The following EXOC4 variants were observed in gnomAD, a reference collection of about 807,000 sequenced individuals.
EXOC4 encodes SEC8-like 1.
A neutral mutation model predicts 107.2 loss-of-function variants in EXOC4; 71 were observed. That is an observed-to-expected ratio of 0.66 (90% confidence interval 0.55 to 0.81). The LOEUF (loss-of-function observed/expected upper bound fraction) is 0.81. EXOC4 is among the 30% of genes least tolerant of loss of function. EXOC4 has a pLI of 0.00. For synonymous variants in EXOC4, 456 were observed against 441.2 expected (o/e 1.03, Z -0.42); for missense variants, 1,108 against 1,189.6 (o/e 0.93, Z 1.01).
intron 14 of EXOC4, among the ~76,000 whole-genome samples, chr7:133,983,832 A>G (rs1262124095): frequency 1.3e-5 from 2 of 152,210 alleles, no homozygotes; most frequent in Non-Finnish European, 2.9e-5. Flanking sequence ...ATACAGCACC[A>G]CAATACTGCT....
intron 17 of EXOC4, among the ~76,000 whole-genome samples, chr7:134,011,131 G>A (rs1483909827): frequency 1.3e-5 from 2 of 152,134 alleles, no homozygotes; most frequent in East Asian, 3.9e-4. Flanking sequence ...TTAGAAGGTG[G>A]AAGGGCTTTA....
chr7:133,551,359 T>C (rs1186399146), intron 9 of EXOC4, among the ~76,000 whole-genome samples: 1 of 152,120 alleles, frequency 6.6e-6, no homozygotes, highest in African/African-American at 2.4e-5. Flanking sequence ...GATTTTGTCA[T>C]TTGATTTTTT....
At chr7:133,990,512 C>A (rs1794226897) in intron 14 of EXOC4, among the ~76,000 whole-genome samples, 1 of 152,090 alleles carries the variant, frequency 6.6e-6, no homozygotes, top group African/African-American at 2.4e-5. Context: ...TGCAGTGGCG[C>A]AATCTCGGCT....
chr7:134,006,427 G>T (rs1321228141), intron 16 of EXOC4, among the ~76,000 whole-genome samples: 2 of 152,076 alleles, frequency 1.3e-5, no homozygotes, highest in African/African-American at 4.8e-5. Flanking sequence ...CTGCAGTTGT[G>T]TTTTTCTTTG....
chr7:133,966,975 G>A (rs1801085817), intron 14 of EXOC4, among the ~76,000 whole-genome samples: 1 of 152,066 alleles, frequency 6.6e-6, no homozygotes, highest in South Asian at 2.1e-4. Flanking sequence ...TTTGGTGGTA[G>A]GCTATTAATT....
chr7:134,066,476 A>G (rs930635359), downstream of EXOC4: 23 of 152,216 alleles, frequency 1.5e-4, no homozygotes, highest in African/African-American at 5.3e-4. Context: ...TGCTTTGCTT[A>G]CAATGACGGG....
intron 9 of EXOC4, among the ~76,000 whole-genome samples, chr7:133,539,958 A>T (rs1166452892): frequency 6.6e-6 from 1 of 152,056 alleles, no homozygotes. Flanking sequence ...AGTTCACTGG[A>T]GGAAATCTCA....
At chr7:133,531,428 G>A (rs1211182552) in intron 9 of EXOC4, among the ~76,000 whole-genome samples, 6 of 152,114 alleles carry the variant, frequency 3.9e-5, no homozygotes, top group Non-Finnish European at 7.4e-5. Flanking sequence ...GTTGGCTTCT[G>A]ACTACAGATC....
intron 10 of EXOC4, among the ~76,000 whole-genome samples, chr7:133,672,284 G>A (rs991232661): frequency 1.3e-5 from 2 of 151,608 alleles, no homozygotes; most frequent in African/African-American, 2.4e-5. Flanking sequence ...CCAGCTACTC[G>A]GGAGGCTGAG....
chr7:133,970,959 C>G (rs1309437706), intron 14 of EXOC4, among the ~76,000 whole-genome samples: 5 of 152,084 alleles, frequency 3.3e-5, no homozygotes, highest in Admixed American at 6.5e-5. Flanking sequence ...CAAATTGCTT[C>G]TAAGTCTTTG....
At chr7:133,767,985 T>C (rs1796172676) in intron 10 of EXOC4, 1 of 152,008 alleles carries the variant, frequency 6.6e-6, no homozygotes, top group South Asian at 2.1e-4. Context: ...TGTAAGTACC[T>C]AGGGGATAGA....
At chr7:133,997,436 C>A (rs1266919501) in intron 14 of EXOC4, 56 bp from the exon 15 acceptor site, 16 of 1,599,056 alleles carry the variant, frequency 1.0e-5, no homozygotes, top group Non-Finnish European at 1.4e-5. Flanking sequence ...TATGTCATTT[C>A]AGAAAAATCT....
chr7:133,901,383 A>T (rs1368600667), intron 12 of EXOC4, among the ~76,000 whole-genome samples: 1 of 152,132 alleles, frequency 6.6e-6, no homozygotes, highest in Admixed American at 6.5e-5. Context: ...ACTTCCTTGT[A>T]TGTTGACATC....
At chr7:133,680,523 T>C (rs1794164178) in intron 10 of EXOC4, among the ~76,000 whole-genome samples, 1 of 152,216 alleles carries the variant, frequency 6.6e-6, no homozygotes, top group African/African-American at 2.4e-5. Flanking sequence ...AATTACTTTT[T>C]GCAGTTCCCA....
chr7:134,039,928 AAGTAGCCTCAAG>A (rs1238178607), intron 17 of EXOC4, among the ~76,000 whole-genome samples: 6 of 152,196 alleles, frequency 3.9e-5, no homozygotes, highest in Non-Finnish European at 7.3e-5. Context: ...TTCTCTGTGA[AAGTAGCCTCAAG>A]ATCTGCCAAA....
intron 17 of EXOC4, among the ~76,000 whole-genome samples, chr7:134,058,557 C>G (rs1300100765): frequency 6.6e-6 from 1 of 152,208 alleles, no homozygotes; most frequent in African/African-American, 2.4e-5. Context: ...GACTGCATTA[C>G]TTGGTTTAGA....
chr7:133,538,526 G>A (rs1470544802), intron 9 of EXOC4, among the ~76,000 whole-genome samples: 1 of 152,008 alleles, frequency 6.6e-6, no homozygotes, highest in African/African-American at 2.4e-5. Context: ...TATGAAAAAG[G>A]ATTTGTAGGA....
chr7:133,961,311 G>C (rs1468848755), intron 14 of EXOC4, among the ~76,000 whole-genome samples: 1 of 112,834 alleles, frequency 8.9e-6, no homozygotes, highest in East Asian at 3.0e-4. Context: ...TTTTGAGATG[G>C]AGTGTTGCTC....
chr7:133,411,316 A>C (rs898298026), intron 7 of EXOC4, among the ~76,000 whole-genome samples: 1 of 152,194 alleles, frequency 6.6e-6, no homozygotes, highest in Non-Finnish European at 1.5e-5. Flanking sequence ...AAAGTCTTAA[A>C]TAGTTTGTGT....
Sources: allele counts gnomAD v4.1 joint callset (sites outside exome capture counted in the v4.1 genomes callset), GRCh38; gene constraint gnomAD v4.1.1; transcripts MANE v1.5; gene names NCBI Gene and HGNC (gene_info 2026-07-23, HGNC 2026-07-21).